Variants in SPIDR observed in about 807,000 individuals in gnomAD.
SPIDR encodes scaffold protein involved in DNA repair.
In SPIDR, 93 loss-of-function variants were observed where a neutral mutation model predicts 104.6. That is an observed-to-expected ratio of 0.89 (90% CI 0.75 to 1.06). The LOEUF is 1.06. SPIDR is among the 50% of genes least tolerant of loss of function. SPIDR has a pLI of 0.00. For synonymous variants in SPIDR, 431 were observed against 416.9 expected (o/e 1.03, Z -0.41); for missense variants, 1,154 against 1,111.2 (o/e 1.04, Z -0.55).
chr8:47,493,000 T>C (rs1274075654), intron 8 of SPIDR, among the ~76,000 whole-genome samples: 1 of 151,420 alleles, frequency 6.6e-6, no homozygotes, highest in East Asian at 1.9e-4. Context: ...GGGCTTTCTC[T>C]AGTGTTTGAG....
At chr8:47,578,700 T>C (rs996938364) in intron 8 of SPIDR, among the ~76,000 whole-genome samples, 1 of 152,152 alleles carries the variant, frequency 6.6e-6, no homozygotes. Context: ...AAAAAATGCA[T>C]TTATTTACTA....
intron 8 of SPIDR, among the ~76,000 whole-genome samples, chr8:47,499,454 T>C (rs977468724): frequency 6.6e-6 from 1 of 152,138 alleles, no homozygotes; most frequent in African/African-American, 2.4e-5. Flanking sequence ...TAGAACCACT[T>C]TGGCTTCATT....
At chr8:47,729,632 C>G in intron 19 of SPIDR, 167 bp downstream of exon 19, 1 of 692,062 alleles carries the variant, frequency 1.4e-6, no homozygotes, top group East Asian at 2.8e-5. Context: ...GCCATTCAGA[C>G]TGATAGGTTC....
At chr8:47,511,308 A>G in intron 8 of SPIDR, 3 of 1,352,176 alleles carry the variant, frequency 2.2e-6, no homozygotes, top group Non-Finnish European at 3.2e-6. Flanking sequence ...CTTTGGCTTC[A>G]TTTTCTGCCA....
chr8:47,476,216 C>G (rs1161263573), intron 8 of SPIDR, among the ~76,000 whole-genome samples: 2 of 152,126 alleles, frequency 1.3e-5, no homozygotes, highest in African/African-American at 2.4e-5. Context: ...TGTCTACGCT[C>G]CAGGGGACTG....
chr8:47,351,299 G>A (rs555471172), intron 5 of SPIDR, among the ~76,000 whole-genome samples: 1 of 152,212 alleles, frequency 6.6e-6, no homozygotes, highest in East Asian at 1.9e-4. Flanking sequence ...ATCCACTGGG[G>A]GTCTTGAAAC....
intron 5 of SPIDR, among the ~76,000 whole-genome samples, chr8:47,379,126 A>C (rs1428748988): frequency 6.6e-6 from 1 of 152,078 alleles, no homozygotes; most frequent in Non-Finnish European, 1.5e-5. Flanking sequence ...AGCAGCCTAC[A>C]TGTAGCCAGA....
At chr8:47,415,161 C>T (rs1440520951) in intron 7 of SPIDR, among the ~76,000 whole-genome samples, 2 of 152,172 alleles carry the variant, frequency 1.3e-5, no homozygotes, top group Non-Finnish European at 2.9e-5. Flanking sequence ...CCTCGGCCTC[C>T]CAGAGTGCTG....
intron 8 of SPIDR, among the ~76,000 whole-genome samples, chr8:47,519,503 G>C (rs1234112992): frequency 6.6e-6 from 1 of 152,136 alleles, no homozygotes; most frequent in South Asian, 2.1e-4. Context: ...TTGGTCAAGC[G>C]CAGTGGCTCA....
At chr8:47,544,187 T>G (rs1284798874) in intron 8 of SPIDR, among the ~76,000 whole-genome samples, 1 of 152,192 alleles carries the variant, frequency 6.6e-6, no homozygotes, top group Non-Finnish European at 1.5e-5. Context: ...TTGCCATTTA[T>G]TTATTCTCTT....
At chr8:47,654,197 G>A in intron 10 of SPIDR, 1 of 1,283,726 alleles carries the variant, frequency 7.8e-7, no homozygotes, top group Non-Finnish European at 1.0e-6. Flanking sequence ...CACTGTAGCA[G>A]CAACCTGCAG....
At chr8:47,687,801 G>A (rs750770982) in intron 11 of SPIDR, among the ~76,000 whole-genome samples, 7 of 152,110 alleles carry the variant, frequency 4.6e-5, no homozygotes, top group African/African-American at 1.4e-4. Context: ...AGTGGCTCAC[G>A]CCTGTAATTC....
intron 10 of SPIDR, among the ~76,000 whole-genome samples, chr8:47,600,084 G>A (rs966974543): frequency 6.6e-6 from 1 of 152,136 alleles, no homozygotes; most frequent in African/African-American, 2.4e-5. Flanking sequence ...AGTTATCTCT[G>A]GCAATGATAA....
intron 5 of SPIDR, among the ~76,000 whole-genome samples, chr8:47,364,317 T>C (rs1273722989): frequency 2.0e-5 from 3 of 152,200 alleles, no homozygotes; most frequent in Non-Finnish European, 2.9e-5. Context: ...GTCCTTGACC[T>C]GTATTCTGCA....
chr8:47,418,474 C>G (rs1211645638), intron 7 of SPIDR, among the ~76,000 whole-genome samples: 1 of 152,128 alleles, frequency 6.6e-6, no homozygotes, highest in Non-Finnish European at 1.5e-5. Flanking sequence ...GATTTTGTAT[C>G]CTGAGACTTT....
intron 5 of SPIDR, among the ~76,000 whole-genome samples, chr8:47,359,127 T>C (rs1407712470): frequency 6.6e-6 from 1 of 151,792 alleles, no homozygotes; most frequent in Non-Finnish European, 1.5e-5. Flanking sequence ...GCGCCTGTAG[T>C]CCCAGCTACT....
intron 10 of SPIDR, among the ~76,000 whole-genome samples, chr8:47,625,108 A>T (rs1450900375): frequency 6.6e-6 from 1 of 152,240 alleles, no homozygotes; most frequent in African/African-American, 2.4e-5. Flanking sequence ...AATGTAATCC[A>T]GCATATAAAC....
At chr8:47,582,803 C>G (rs950345709) in intron 8 of SPIDR, among the ~76,000 whole-genome samples, 1 of 150,422 alleles carries the variant, frequency 6.6e-6, no homozygotes, top group African/African-American at 2.5e-5. Flanking sequence ...CATAGCAAGA[C>G]TCCATTAAAC....
chr8:47,416,126 C>A (rs2064238415), intron 7 of SPIDR, among the ~76,000 whole-genome samples: 1 of 152,180 alleles, frequency 6.6e-6, no homozygotes, highest in Non-Finnish European at 1.5e-5. Context: ...CGCCTGTAAT[C>A]TCAGCTACGC....
Sources: gnomAD v4.1 joint callset for allele counts (sites outside exome capture counted in the v4.1 genomes callset) on GRCh38, gnomAD v4.1.1 for gene constraint, MANE v1.5 for transcripts, NCBI Gene and HGNC (gene_info 2026-07-23, HGNC 2026-07-21) for gene names.